The following TPCN2 variants were observed in gnomAD, a reference collection of about 807,000 sequenced individuals.
The protein encoded by TPCN2 is two pore segment channel 2, also known as two pore channel protein 2.
In TPCN2, 92 loss-of-function variants were observed where a neutral mutation model predicts 111.4. The observed-to-expected ratio is 0.83, with a 90% CI of 0.70 to 0.98. TPCN2 has a LOEUF of 0.98. Ranked by LOEUF, TPCN2 falls within the 50% of genes least tolerant of loss-of-function variation. The pLI, the probability that TPCN2 is intolerant of heterozygous loss-of-function variation, is 0.00. For missense variants in TPCN2, 995 were observed against 980.1 expected (o/e 1.02, Z -0.20); for synonymous variants, 405 against 414.5 (o/e 0.98, Z 0.28).
rs753101044 is a variant in TPCN2 at position 69,063,925 on chromosome 11, C to T, written c.684C>T (p.Cys228=). The T allele has an allele frequency of 6.2e-7, 1 of 1,614,126 alleles. No individual in the cohort carries two copies. The highest frequency in any genetic ancestry group is 8.5e-7 in the Non-Finnish European group (1 of 1,180,002). The change falls in exon 7 of 25, where the codon TGC becomes TGT. Residue 228 remains cysteine, a synonymous_variant. Transcript: ENST00000294309. ...GGCTGCTGCTGGCCATCCACCTGTG[C>T]CTCTTCACCATGTTCGGAATGCTGC... ...SVGLLLAIHL[C]LFTMFGMLLF...
chr11:69,086,728 C>G (rs1271511088), intron 23 of TPCN2, 124 bp downstream of exon 23: 1 of 933,432 alleles, frequency 1.1e-6, no homozygotes, highest in Non-Finnish European at 1.7e-6. Context: ...CTGGGTTAGG[C>G]GGGTCCTGAG....
rs755301893 is a variant in TPCN2, at chr11:69,081,470, C to A, written c.1660C>A (p.Arg554Ser). 1 of 1,572,612 alleles carries A rather than the reference C, an allele frequency of 6.4e-7. No individual in the cohort carries two copies. The change falls in exon 18 of 25, where the codon CGC becomes AGC. Residue 554 changes from arginine to serine, a missense_variant. Physicochemically the swap from Arg to Ser is moderately radical, Grantham distance 110. Coordinates refer to ENST00000294309, the MANE Select transcript of TPCN2 (RefSeq NM_139075.4). ...CATGCTGAACATGCTCATCGTGTTC[C>A]GCTTCCTGCGTATCATCCCCAGCAT... is the stretch of plus-strand genomic sequence containing the variant. ...TRMLNMLIVF[R>S]FLRIIPSMKL...
chr11:69,067,689 C>T (rs1855332095), intron 8 of TPCN2, 84 bp downstream of exon 8: 8 of 1,255,278 alleles, frequency 6.4e-6, no homozygotes, highest in Admixed American at 2.0e-5. Context: ...CCTTAGAACC[C>T]AGTGGGAGTT....
At chr11:69,060,081 C>T (rs775915757) in intron 5 of TPCN2, among the ~76,000 whole-genome samples, 7 of 152,228 alleles carry the variant, frequency 4.6e-5, no homozygotes, top group Non-Finnish European at 7.3e-5. Context: ...GCCACGTGCC[C>T]TGCAGAAAAG....
chr11:69,062,073 T>A (rs1438110337), intron 5 of TPCN2, among the ~76,000 whole-genome samples: 1 of 152,068 alleles, frequency 6.6e-6, no homozygotes, highest in Non-Finnish European at 1.5e-5. Flanking sequence ...TGGCGTCTGC[T>A]TCTGATGAGG....
At position 69,085,720 on chromosome 11, in the gene TPCN2, G is replaced by C. The variant is rs1387830041; in HGVS notation, c.1888G>C (p.Glu630Gln). ...SAPCGSFEQL[E>Q]YWANNFDDFA... ...GCCCTGTGGGAGCTTCGAGCAGCTGGAGTACTGGGCCAACAACTTCGATGA... is the reference window on the plus strand; with the variant it reads ...GCCCTGTGGGAGCTTCGAGCAGCTGCAGTACTGGGCCAACAACTTCGATGA... Residue 630 changes from glutamate (E) to glutamine (Q), a missense_variant, in exon 21 of 25, where the codon GAG becomes CAG. Physicochemically the swap from Glu to Gln is conservative, Grantham distance 29. Coordinates refer to ENST00000294309, the MANE Select transcript of TPCN2 (RefSeq NM_139075.4). 4 of 1,614,008 alleles carry C rather than the reference G, an allele frequency of 2.5e-6. No homozygotes were observed. The highest frequency in any genetic ancestry group is 2.2e-5 in the East Asian group (1 of 44,892).
chr11:69,077,829 G>A (rs1051354081), intron 13 of TPCN2, among the ~76,000 whole-genome samples: 2 of 152,208 alleles, frequency 1.3e-5, no homozygotes, highest in East Asian at 3.8e-4. Context: ...TGTTGCCACC[G>A]AAGAACTGAG....
At chr11:69,071,534 G>A in intron 10 of TPCN2, 114 bp downstream of exon 10, 1 of 933,666 alleles carries the variant, frequency 1.1e-6, no homozygotes, top group Non-Finnish European at 1.7e-6. Flanking sequence ...GGTGGGACGG[G>A]AGGGCAGGGT....
intron 6 of TPCN2, among the ~76,000 whole-genome samples, chr11:69,063,411 C>G (rs953303147): frequency 6.6e-6 from 1 of 152,128 alleles, no homozygotes; most frequent in African/African-American, 2.4e-5. Context: ...CTTGGAAGCC[C>G]TCGTGGCTCT....
chr11:69,087,343 G>T lies in TPCN2; in HGVS notation c.2180+137G>T. 9.5e-6 allele frequency: 7 copies of T among 733,700 alleles called. 2 individuals are homozygous for T. The South Asian group carries it at 1.2e-4, about 13-fold the overall frequency. 45.4% of individuals were successfully genotyped at this position (733,700 alleles called of 1,614,324 possible). A position where few individuals can be genotyped will look rare whatever the true frequency, so the allele number is the denominator to read the frequency against. Reference sequence around the variant, plus strand: ...CGCCCGGTTATCTGGCTTTGGTCCTGTGCTCTAGGAGAGCAGCTCAGAGCC... The same window carrying T: ...CGCCCGGTTATCTGGCTTTGGTCCTTTGCTCTAGGAGAGCAGCTCAGAGCC... On this transcript the variant is annotated intron_variant, in intron 24 of 24. Transcript: ENST00000294309.
rs747682582 is a variant in TPCN2 at position 69,085,875 on chromosome 11, A to C, written c.1948A>C (p.Met650Leu). 2.0e-5 allele frequency: 32 copies of C among 1,613,968 alleles called. No individual in the cohort carries two copies. The highest frequency in any genetic ancestry group is 2.7e-5 in the Non-Finnish European group (32 of 1,180,014). Reference protein sequence around the residue: ...AAALVTLWNLMVVNNWQVFLD... With the variant: ...AAALVTLWNLLVVNNWQVFLD... ...TGCCCTGGTCACTCTGTGGAACTTG[A>C]TGGTGGTGAACAACTGGCAGGTGTT... The change falls in exon 22 of 25, where the codon ATG becomes CTG. Residue 650 changes from methionine (M) to leucine (L), a missense_variant. Transcript: ENST00000294309.
chr11:69,071,752 C>T (rs1164468161), intron 10 of TPCN2, among the ~76,000 whole-genome samples, 171 bp from the exon 11 acceptor site: 1 of 152,150 alleles, frequency 6.6e-6, no homozygotes, highest in Non-Finnish European at 1.5e-5. Context: ...GGAGTCTGAC[C>T]AATCCTCTCA....
chr11:69,071,299 C>T (rs1855525271), intron 9 of TPCN2, 57 bp from the exon 10 acceptor site: 12 of 1,434,340 alleles, frequency 8.4e-6, no homozygotes, highest in South Asian at 2.3e-5. Flanking sequence ...GCCACCCTTG[C>T]GTTGGTTTTG....
At chr11:69,054,401 G>A (rs1243674340) in intron 2 of TPCN2, 1 of 565,424 alleles carries the variant, frequency 1.8e-6, no homozygotes, top group African/African-American at 1.9e-5. Context: ...GGCGTGGGAG[G>A]GTCAGCCTTG....
chr11:69,056,919 C>G (rs141297888), intron 4 of TPCN2, among the ~76,000 whole-genome samples: 2,042 of 152,126 alleles, frequency 0.013, 50 homozygotes, highest in African/African-American at 0.047. Context: ...CTCACTGCAA[C>G]CTTCGCCTCC....
At chr11:69,076,914 T>C (rs111164228) in intron 13 of TPCN2, among the ~76,000 whole-genome samples, 129 of 31,534 alleles carry the variant, frequency 4.1e-3, no homozygotes, top group Admixed American at 6.0e-3. Flanking sequence ...GTCCCTCCAC[T>C]TGCCCTCCTG....
intron 6 of TPCN2, 96 bp from the exon 7 acceptor site, chr11:69,063,799 A>G (rs1855130688): frequency 8.4e-7 from 1 of 1,188,378 alleles, no homozygotes; most frequent in African/African-American, 1.5e-5. Flanking sequence ...GCTGCTGCAG[A>G]CTCTTGGGCG....
chr11:69,072,834 G>T, intron 12 of TPCN2, 81 bp from the exon 13 acceptor site: 1 of 1,523,066 alleles, frequency 6.6e-7, no homozygotes, highest in Non-Finnish European at 9.1e-7. Context: ...CGTCAGGGTG[G>T]GGTTGGGGCT....
intron 8 of TPCN2, among the ~76,000 whole-genome samples, chr11:69,067,950 C>T (rs1008973357): frequency 6.6e-5 from 10 of 152,132 alleles, no homozygotes; most frequent in African/African-American, 2.4e-4. Context: ...CTTCATAGGG[C>T]GATGATGGCA....
Sources: allele counts gnomAD v4.1 joint callset (sites outside exome capture counted in the v4.1 genomes callset), GRCh38; gene constraint gnomAD v4.1.1; transcripts MANE v1.5; gene names NCBI Gene and HGNC (gene_info 2026-07-23, HGNC 2026-07-21).